The following SLC4A4 variants were observed in gnomAD, a reference collection of about 807,000 sequenced individuals.
The protein encoded by SLC4A4 is electrogenic sodium bicarbonate cotransporter 1.
SLC4A4 carries 27 observed loss-of-function variants against 111.5 expected under a neutral mutation model. The observed-to-expected ratio is 0.24, with a 90% CI of 0.18 to 0.33. SLC4A4 has a LOEUF of 0.33. SLC4A4 is among the 10% of genes least tolerant of loss of function. The pLI, the probability that SLC4A4 is intolerant of heterozygous loss-of-function variation, is 1.00. For missense variants in SLC4A4, 909 were observed against 1,315.5 expected (o/e 0.69, Z 4.78); for synonymous variants, 443 against 463.4 (o/e 0.96, Z 0.57).
intron 2 of SLC4A4, among the ~76,000 whole-genome samples, chr4:71,252,934 A>G (rs1055326026): frequency 6.6e-6 from 1 of 152,202 alleles, no homozygotes; most frequent in Non-Finnish European, 1.5e-5. Context: ...TAAAATGCCT[A>G]AAATTTGGCA....
chr4:71,440,019 T>A (rs2149057082), intron 7 of SLC4A4, among the ~76,000 whole-genome samples: 1 of 152,142 alleles, frequency 6.6e-6, no homozygotes, highest in African/African-American at 2.4e-5. Context: ...ACAAAGTCTT[T>A]GCATTTCCCA....
chr4:71,151,018 T>C (rs941020691), intron 2 of SLC4A4, among the ~76,000 whole-genome samples: 6 of 152,238 alleles, frequency 3.9e-5, no homozygotes, highest in African/African-American at 1.4e-4. Context: ...TGCTGTTCAA[T>C]ACAGTAGCCA....
At chr4:71,445,959 T>G (rs544710768) in intron 8 of SLC4A4, among the ~76,000 whole-genome samples, 14 of 152,168 alleles carry the variant, frequency 9.2e-5, no homozygotes, top group Non-Finnish European at 1.8e-4. Context: ...AATAATGACT[T>G]CCTTCATACT....
chr4:71,523,415 T>TAGTCTG (rs1344972703), intron 16 of SLC4A4, among the ~76,000 whole-genome samples: 13 of 152,298 alleles, frequency 8.5e-5, no homozygotes, highest in Admixed American at 5.2e-4. Context: ...CTGTTAAACA[T>TAGTCTG]TTAACAAAAA....
chr4:71,438,356 T>C (rs1724360657), intron 7 of SLC4A4, among the ~76,000 whole-genome samples: 1 of 152,366 alleles, frequency 6.6e-6, no homozygotes, highest in East Asian at 1.9e-4. Flanking sequence ...GAAGTTTGAC[T>C]ATGTGAGCTT....
chr4:71,255,252 C>T lies in SLC4A4; in HGVS notation c.106C>T (p.Pro36Ser), dbSNP rs1343454240. 1.9e-6 allele frequency: 3 copies of T among 1,613,234 alleles called. No individual in the cohort carries two copies. The highest frequency in any genetic ancestry group is 2.5e-6 in the Non-Finnish European group (3 of 1,179,468). Residue 36 changes from proline to serine, a missense_variant, in exon 3 of 26, where the codon CCG (proline) becomes TCG (serine). Pro to Ser is a moderately conservative substitution (Grantham distance 74). Coordinates refer to ENST00000264485, the MANE Select transcript of SLC4A4 (RefSeq NM_001098484.3). ...TACCATTTACATCGGAGTCCATGTG[C>T]CGAAGAGTTACAGGAGAAGGAGACG... ...HHTIYIGVHV[P>S]KSYRRRRRHK...
intron 4 of SLC4A4, among the ~76,000 whole-genome samples, chr4:71,341,139 C>A (rs998366552): frequency 5.3e-5 from 8 of 152,160 alleles, no homozygotes; most frequent in African/African-American, 1.4e-4. Context: ...TAATTCCAAT[C>A]AATTCAACTC....
At chr4:71,183,273 G>A (rs1332642492), upstream of SLC4A4, among the ~76,000 whole-genome samples, 2 of 152,150 alleles carry the variant, frequency 1.3e-5, no homozygotes, top group Non-Finnish European at 2.9e-5. Context: ...TTTTAAAAAC[G>A]ACAGTTGGAT....
At chr4:71,555,965 T>C (rs1435855883) in intron 21 of SLC4A4, among the ~76,000 whole-genome samples, 3 of 151,996 alleles carry the variant, frequency 2.0e-5, no homozygotes, top group Non-Finnish European at 4.4e-5. Flanking sequence ...GAAGTACTTA[T>C]GCTGTTTTCT....
intron 2 of SLC4A4, among the ~76,000 whole-genome samples, chr4:71,179,919 G>C (rs940516779): frequency 3.3e-5 from 5 of 152,150 alleles, no homozygotes; most frequent in African/African-American, 9.7e-5. Flanking sequence ...AAAGAACCAA[G>C]CTGGAGGCAT....
At chr4:71,155,269 C>G (rs562673577) in intron 2 of SLC4A4, among the ~76,000 whole-genome samples, 42 of 152,184 alleles carry the variant, frequency 2.8e-4, no homozygotes, top group African/African-American at 9.6e-4. Flanking sequence ...GTGGTTCTTT[C>G]ATCTGTGAAT....
intron 1 of SLC4A4, among the ~76,000 whole-genome samples, chr4:71,201,426 A>G (rs1047756134): frequency 9.2e-5 from 14 of 152,218 alleles, no homozygotes; most frequent in African/African-American, 3.1e-4. Flanking sequence ...AGCGTCATCA[A>G]TGAACACTCC....
At chr4:71,519,440 T>C (rs1732723622) in intron 16 of SLC4A4, among the ~76,000 whole-genome samples, 1 of 152,196 alleles carries the variant, frequency 6.6e-6, no homozygotes, top group South Asian at 2.1e-4. Context: ...TTAAAGAAAG[T>C]TCTCAGCATA....
chr4:71,412,909 C>G (rs1257888411), intron 7 of SLC4A4, among the ~76,000 whole-genome samples: 1 of 152,098 alleles, frequency 6.6e-6, no homozygotes. Context: ...TATAGGAATT[C>G]AAAAATAAGA....
chr4:71,345,274 T>C (rs1216244263), intron 4 of SLC4A4, among the ~76,000 whole-genome samples: 1 of 152,116 alleles, frequency 6.6e-6, no homozygotes, highest in Non-Finnish European at 1.5e-5. Context: ...ATGATCCAAG[T>C]TTGATGATGG....
At chr4:71,567,149 G>A (rs1302581882) in intron 25 of SLC4A4, 66 bp downstream of exon 25, 1 of 1,258,828 alleles carries the variant, frequency 7.9e-7, no homozygotes, top group African/African-American at 1.5e-5. Context: ...TGTAGTTAAT[G>A]GTGGGTTATT....
intron 3 of SLC4A4, among the ~76,000 whole-genome samples, chr4:71,335,248 A>G (rs1338996634): frequency 6.6e-6 from 1 of 152,206 alleles, no homozygotes; most frequent in East Asian, 1.9e-4. Context: ...GCTAGTTCTG[A>G]TTTAGGGATC....
chr4:71,433,992 C>T (rs1050847015), intron 7 of SLC4A4, among the ~76,000 whole-genome samples: 1 of 151,920 alleles, frequency 6.6e-6, no homozygotes, highest in East Asian at 1.9e-4. Context: ...AAGTATGATG[C>T]ATTGAGTATG....
chr4:71,320,643 T>G (rs1309842130), intron 3 of SLC4A4, among the ~76,000 whole-genome samples: 1 of 152,034 alleles, frequency 6.6e-6, no homozygotes, highest in East Asian at 1.9e-4. Flanking sequence ...AAGCCAGATT[T>G]GAGCTTATGC....
Sources: gnomAD v4.1 joint callset for allele counts (sites outside exome capture counted in the v4.1 genomes callset) on GRCh38, gnomAD v4.1.1 for gene constraint, MANE v1.5 for transcripts, NCBI Gene and HGNC (gene_info 2026-07-23, HGNC 2026-07-21) for gene names.